The following COLEC10 variants were observed in gnomAD, a reference collection of about 807,000 sequenced individuals.
The protein encoded by COLEC10 is collectin-10.
In COLEC10, 22 loss-of-function variants were observed where a neutral mutation model predicts 28.4. That is an observed-to-expected ratio of 0.78 (90% CI 0.55 to 1.11). The LOEUF is 1.11. Ranked by LOEUF, COLEC10 falls within the 50% of genes least tolerant of loss-of-function variation. The probability of loss-of-function intolerance (pLI) is 0.00; values close to 1 mark genes in which losing one functional copy is unlikely to be tolerated. For synonymous variants in COLEC10, 125 were observed against 116.1 expected, an observed-to-expected ratio of 1.08 and a Z score of -0.49; for missense variants, 361 against 344.1, an observed-to-expected ratio of 1.05 and a Z score of -0.39.
At chr8:118,964,274 T>C in the COLEC10 span, among the ~76,000 whole-genome samples, 2 of 152,216 alleles carry the variant, frequency 1.3e-5, no homozygotes, top group African/African-American at 4.8e-5. Context: ...GCACTTTTAA[T>C]TATATTTTTG....
the COLEC10 span, among the ~76,000 whole-genome samples, chr8:118,959,461 C>G: frequency 1.3e-5 from 2 of 152,098 alleles, no homozygotes; most frequent in African/African-American, 4.8e-5. Context: ...ATAATAGTAT[C>G]CACCTCCTAG....
chr8:119,075,561 C>T (rs1815210063), intron 1 of COLEC10, among the ~76,000 whole-genome samples: 1 of 152,144 alleles, frequency 6.6e-6, no homozygotes, highest in African/African-American at 2.4e-5. Flanking sequence ...CTTGTGATCA[C>T]TGGAAGACAC....
chr8:118,977,813 C>T, the COLEC10 span, among the ~76,000 whole-genome samples: 2,951 of 151,664 alleles, frequency 0.019, 48 homozygotes, highest in Non-Finnish European at 0.027. Context: ...AATTACTTTT[C>T]CTAACATAGC....
chr8:119,060,599 T>C (rs898340253), intron 2 of COLEC10, among the ~76,000 whole-genome samples: 2 of 152,104 alleles, frequency 1.3e-5, no homozygotes, highest in African/African-American at 4.8e-5. Flanking sequence ...ACAGTGAGTT[T>C]CTTAAATCCC....
chr8:118,984,901 G>C, the COLEC10 span, among the ~76,000 whole-genome samples: 2 of 152,130 alleles, frequency 1.3e-5, no homozygotes, highest in Admixed American at 1.3e-4. Context: ...GGCAGGATAA[G>C]AGAGCTTGTG....
chr8:119,084,922 G>A (rs746552194), intron 1 of COLEC10, among the ~76,000 whole-genome samples: 15 of 152,204 alleles, frequency 9.9e-5, no homozygotes, highest in East Asian at 1.9e-4. Context: ...AGAGATTGAG[G>A]TAGTGAATAC....
chr8:118,974,523 G>T, the COLEC10 span, among the ~76,000 whole-genome samples: 2 of 152,082 alleles, frequency 1.3e-5, no homozygotes, highest in South Asian at 4.2e-4. Flanking sequence ...AAGCAACTTT[G>T]TGTCCCTAAC....
chr8:118,955,427 T>C, the COLEC10 span, among the ~76,000 whole-genome samples: 1 of 152,222 alleles, frequency 6.6e-6, no homozygotes, highest in African/African-American at 2.4e-5. Context: ...TTTAAGGGTT[T>C]GCCTGAACGT....
At chr8:118,992,429 G>GT (rs1223747802), upstream of COLEC10, among the ~76,000 whole-genome samples, 1 of 152,086 alleles carries the variant, frequency 6.6e-6, no homozygotes, top group African/African-American at 2.4e-5. Flanking sequence ...GCAGGACATG[G>GT]TAGAAGATAT....
At chr8:119,049,616 G>A (rs993187172) in intron 2 of COLEC10, among the ~76,000 whole-genome samples, 2 of 151,816 alleles carry the variant, frequency 1.3e-5, no homozygotes, top group African/African-American at 2.4e-5. Context: ...AGGTTTCACC[G>A]TGTTAGCCAG....
intron 1 of COLEC10, 34 bp downstream of exon 1, chr8:119,067,463 T>A (rs1381809814): frequency 6.3e-7 from 1 of 1,596,378 alleles, no homozygotes; most frequent in Non-Finnish European, 8.6e-7. Flanking sequence ...TCATGTATAA[T>A]AAATATGATA....
chr8:118,958,591 A>C, the COLEC10 span, among the ~76,000 whole-genome samples: 1 of 152,242 alleles, frequency 6.6e-6, no homozygotes, highest in Non-Finnish European at 1.5e-5. Flanking sequence ...CCCAGGAAAA[A>C]AAAAGTGTAT....
chr8:119,067,261 CT>C lies in COLEC10; in HGVS notation c.-17del, dbSNP rs1192634774. On this transcript the variant is annotated 5_prime_UTR_variant, in exon 1 of 6. Transcript: ENST00000332843. ...GTTTATTTGGCATTTCTGGGAGACCCTTTTCTGAGGAACCACAGCAATGAAT... is the reference window on the plus strand; with the variant it reads ...GTTTATTTGGCATTTCTGGGAGACCCTTTCTGAGGAACCACAGCAATGAAT... 4.3e-6 allele frequency: 7 copies of C among 1,611,772 alleles called. No homozygotes were observed. The highest frequency in any genetic ancestry group is 5.1e-6 in the Non-Finnish European group (6 of 1,178,972).
chr8:119,009,794 TATA>T (rs140330433), intron 2 of COLEC10, among the ~76,000 whole-genome samples: 6,825 of 150,678 alleles, frequency 0.045, 428 homozygotes, highest in East Asian at 0.16. Flanking sequence ...TCCCAATAGT[TATA>T]ATAAAAGAGT....
intron 2 of COLEC10, among the ~76,000 whole-genome samples, chr8:119,051,250 A>G (rs895932285): frequency 1.3e-5 from 2 of 152,210 alleles, no homozygotes; most frequent in Non-Finnish European, 2.9e-5. Context: ...TTCCTAGATT[A>G]CTGTTTCATG....
intron 2 of COLEC10, among the ~76,000 whole-genome samples, chr8:119,044,618 G>A (rs1814555867): frequency 6.6e-6 from 1 of 152,122 alleles, no homozygotes; most frequent in African/African-American, 2.4e-5. Context: ...GCCAGCGGGA[G>A]GGCGGGGGCA....
intron 2 of COLEC10, among the ~76,000 whole-genome samples, chr8:119,029,877 A>G (rs1467032937): frequency 1.3e-5 from 2 of 152,244 alleles, no homozygotes; most frequent in Non-Finnish European, 2.9e-5. Flanking sequence ...AAACAAGCCT[A>G]TATAAAACCA....
intron 2 of COLEC10, among the ~76,000 whole-genome samples, chr8:119,011,937 T>C (rs1179253360): frequency 6.6e-6 from 1 of 150,794 alleles, no homozygotes; most frequent in Non-Finnish European, 1.5e-5. Flanking sequence ...CTCTACAGTA[T>C]GTCTTTTATT....
chr8:119,080,182 T>G (rs566831614), intron 1 of COLEC10, among the ~76,000 whole-genome samples: 6 of 152,252 alleles, frequency 3.9e-5, no homozygotes, highest in African/African-American at 1.2e-4. Context: ...TTTGAAAGAC[T>G]GCGTTCAGTG....
Sources: gnomAD v4.1 joint callset for allele counts (sites outside exome capture counted in the v4.1 genomes callset) on GRCh38, gnomAD v4.1.1 for gene constraint, MANE v1.5 for transcripts, NCBI Gene and HGNC (gene_info 2026-07-23, HGNC 2026-07-21) for gene names.